The following DNAH6 variants were observed in gnomAD, a reference collection of about 807,000 sequenced individuals.
DNAH6 encodes dynein axonemal heavy chain 6.
A neutral mutation model predicts 491.4 loss-of-function variants in DNAH6; 340 were observed. The observed-to-expected ratio is 0.69, with a 90% confidence interval of 0.63 to 0.76. The LOEUF (loss-of-function observed/expected upper bound fraction) is 0.76. Among genes scored for constraint, DNAH6 ranks in the 30% least tolerant of loss-of-function variants. The pLI, the probability that DNAH6 is intolerant of heterozygous loss-of-function variation, is 0.00. For missense variants in DNAH6, 4,443 were observed against 4,972.2 expected (o/e 0.89, Z 3.20); for synonymous variants, 1,603 against 1,686.1 (o/e 0.95, Z 1.21).
chr2:84,481,148 G>A, the DNAH6 span, among the ~76,000 whole-genome samples: 1 of 152,142 alleles, frequency 6.6e-6, no homozygotes, highest in African/African-American at 2.4e-5. Flanking sequence ...GGGTTGGGCA[G>A]CAGTGGGCAG....
intron 4 of DNAH6, among the ~76,000 whole-genome samples, chr2:84,529,601 G>A (rs1162468862): frequency 6.6e-6 from 1 of 152,096 alleles, no homozygotes; most frequent in Non-Finnish European, 1.5e-5. Flanking sequence ...TCATATAAAT[G>A]AATAATATCC....
At chr2:84,725,266 G>A (rs1193212006) in intron 60 of DNAH6, among the ~76,000 whole-genome samples, 1 of 152,130 alleles carries the variant, frequency 6.6e-6, no homozygotes, top group Non-Finnish European at 1.5e-5. Context: ...TAGTACCCTC[G>A]ATAATGGTTG....
chr2:84,710,992 A>C (rs1696990368), intron 56 of DNAH6, among the ~76,000 whole-genome samples: 1 of 152,226 alleles, frequency 6.6e-6, no homozygotes, highest in Admixed American at 6.5e-5. Flanking sequence ...TTTGGGAACC[A>C]GTGGCAAAAA....
rs1207189797 is a variant in DNAH6 at position 84,621,258 on chromosome 2, C to T, written c.3860C>T (p.Ala1287Val). Reference protein sequence around the residue: ...VEEWLGKVEEAMFTSLRRLCK... With the variant: ...VEEWLGKVEEVMFTSLRRLCK... ...GAATGGCTTGGTAAAGTGGAAGAAG[C>T]CATGTTCACATCTCTGCGTCGCCTG... The change falls in exon 25 of 77, where the codon GCC (alanine) becomes GTC (valine). Residue 1287 changes from alanine to valine, a missense_variant. Transcript: ENST00000389394. 7 of 1,551,458 alleles carry T rather than the reference C, an allele frequency of 4.5e-6. No individual in the cohort carries two copies. The East Asian group carries it at 1.2e-4, about 27-fold the overall frequency.
chr2:84,763,932 T>C (rs1426813588), intron 64 of DNAH6, among the ~76,000 whole-genome samples: 1 of 152,072 alleles, frequency 6.6e-6, no homozygotes, highest in East Asian at 1.9e-4. Flanking sequence ...TCAGTCTGAG[T>C]CTAAAGGCCA....
At position 84,577,363 on chromosome 2, in the gene DNAH6, G is replaced by C. The variant is rs747006596; in HGVS notation, c.2031G>C (p.Arg677Ser). Residue 677 changes from arginine (R) to serine (S), a missense_variant, in exon 13 of 77, where the codon AGG becomes AGC. Transcript: ENST00000389394. ...TAGGATTGCTGCTCATTGATACTAG[G>C]CTTCTAAGAGAAAAATTAATTCCAT... Reference protein sequence around the residue: ...RNVGLLLIDTRLLREKLIPSP... With the variant: ...RNVGLLLIDTSLLREKLIPSP... The C allele has an allele frequency of 4.3e-6, 7 of 1,610,646 alleles. No homozygotes were observed. Among genetic ancestry groups the C allele is most frequent in the African/African-American group, 2.7e-5 (2 of 74,762 alleles).
At chr2:84,715,504 G>T (rs755892920) in intron 57 of DNAH6, 56 bp from the exon 58 acceptor site, 27 of 1,469,380 alleles carry the variant, frequency 1.8e-5, no homozygotes, top group Non-Finnish European at 2.4e-5. Flanking sequence ...AATAAAGAAA[G>T]GTATTTTATT....
chr2:84,807,375 G>A (rs903648612), intron 71 of DNAH6, among the ~76,000 whole-genome samples: 2 of 152,236 alleles, frequency 1.3e-5, no homozygotes, highest in East Asian at 1.9e-4. Context: ...TTCCTCTTTC[G>A]TAGCTCATAT....
chr2:84,728,258 A>G (rs1558968776), intron 61 of DNAH6, among the ~76,000 whole-genome samples: 1 of 152,184 alleles, frequency 6.6e-6, no homozygotes. Context: ...TAAATTACCC[A>G]GTCTCAGCTA....
At chr2:84,699,152 A>T (rs1386181188) in intron 47 of DNAH6, among the ~76,000 whole-genome samples, 1 of 151,984 alleles carries the variant, frequency 6.6e-6, no homozygotes, top group Non-Finnish European at 1.5e-5. Context: ...TTTGTAACAA[A>T]CCTACACATG....
chr2:84,688,506 T>C lies in DNAH6; in HGVS notation c.7205T>C (p.Leu2402Pro). The change falls in exon 45 of 77, where the codon CTA becomes CCA. Residue 2402 changes from leucine to proline, a missense_variant. Coordinates refer to ENST00000389394, the MANE Select transcript of DNAH6 (RefSeq NM_001370.2). ...GATATAGAGAAAACTGCAAATGTTC[T>C]ACAGGACTATCTTGATGATTATAAT... ...MPDIEKTANV[L>P]QDYLDDYNLT... 3 of 1,542,766 alleles carry C rather than the reference T, an allele frequency of 1.9e-6. No individual in the cohort carries two copies. Among genetic ancestry groups the C allele is most frequent in the Non-Finnish European group, 2.6e-6 (3 of 1,145,220 alleles).
intron 55 of DNAH6, among the ~76,000 whole-genome samples, chr2:84,709,839 A>C (rs1230451033): frequency 2.0e-5 from 3 of 152,192 alleles, no homozygotes; most frequent in Non-Finnish European, 4.4e-5. Context: ...ACAGATCTTC[A>C]TTCTTCTGTA....
intron 9 of DNAH6, among the ~76,000 whole-genome samples, chr2:84,550,751 C>T (rs747989832): frequency 6.6e-6 from 1 of 152,014 alleles, no homozygotes; most frequent in Non-Finnish European, 1.5e-5. Flanking sequence ...TCCCCAAAAG[C>T]TTATAGTTCG....
At chr2:84,686,693 C>A in intron 44 of DNAH6, 136 bp downstream of exon 44, 1 of 566,228 alleles carries the variant, frequency 1.8e-6, no homozygotes, top group Non-Finnish European at 3.1e-6. Flanking sequence ...CAAACTATGG[C>A]CCATGAGCCA....
chr2:84,717,704 G>C (rs1455385964), intron 58 of DNAH6, among the ~76,000 whole-genome samples: 1 of 152,212 alleles, frequency 6.6e-6, no homozygotes, highest in Non-Finnish European at 1.5e-5. Flanking sequence ...AGTGAAGGGA[G>C]ATATAAGTTC....
chr2:84,736,915 G>C (rs1192322), intron 62 of DNAH6, among the ~76,000 whole-genome samples: 5,296 of 152,036 alleles, frequency 0.035, 139 homozygotes, highest in Non-Finnish European at 0.054. Context: ...CAGTTCTTAT[G>C]GGGGAATGCT....
chr2:84,657,749 AT>A (rs1320437636), intron 35 of DNAH6, among the ~76,000 whole-genome samples: 1 of 152,026 alleles, frequency 6.6e-6, no homozygotes, highest in Non-Finnish European at 1.5e-5. Context: ...ATAGACAATT[AT>A]GTTATTTGTA....
chr2:84,699,480 C>T, intron 47 of DNAH6, 114 bp from the exon 48 acceptor site: 1 of 890,332 alleles, frequency 1.1e-6, no homozygotes, highest in Non-Finnish European at 1.7e-6. Context: ...TACATATCTA[C>T]TATGCTGACA....
At chr2:84,642,505 A>C (rs1315521567) in intron 33 of DNAH6, among the ~76,000 whole-genome samples, 2 of 151,844 alleles carry the variant, frequency 1.3e-5, no homozygotes. Flanking sequence ...CCTTTCACCA[A>C]CTCCCACTTC....
Sources: gnomAD v4.1 joint callset for allele counts (sites outside exome capture counted in the v4.1 genomes callset) on GRCh38, gnomAD v4.1.1 for gene constraint, MANE v1.5 for transcripts, NCBI Gene and HGNC (gene_info 2026-07-23, HGNC 2026-07-21) for gene names.